The following GRIK1 variants were observed in gnomAD, a reference collection of about 807,000 sequenced individuals.
GRIK1 encodes glutamate ionotropic receptor kainate type subunit 1.
In GRIK1, 69 loss-of-function variants were observed where a neutral mutation model predicts 105.7. The ratio of observed to expected loss-of-function variants is 0.65; its 90% CI spans 0.54 to 0.80. GRIK1 has a LOEUF of 0.80. GRIK1 is among the 30% of genes least tolerant of loss of function. GRIK1 has a pLI of 0.00. For missense variants in GRIK1, 1,109 were observed against 1,167.3 expected, an observed-to-expected ratio of 0.95 and a Z score of 0.73; for synonymous variants, 438 against 431.3, an observed-to-expected ratio of 1.02 and a Z score of -0.19.
intron 1 of GRIK1, among the ~76,000 whole-genome samples, chr21:29,798,304 G>T (rs1411933957): frequency 6.6e-6 from 1 of 152,084 alleles, no homozygotes; most frequent in African/African-American, 2.4e-5. Context: ...AGGTTTTATT[G>T]GTGACCTCAC....
At chr21:29,855,530 C>G (rs933668347) in intron 1 of GRIK1, among the ~76,000 whole-genome samples, 1 of 152,078 alleles carries the variant, frequency 6.6e-6, no homozygotes, top group Non-Finnish European at 1.5e-5. Context: ...AGTATATTGC[C>G]AGTGAAGTAG....
intron 1 of GRIK1, among the ~76,000 whole-genome samples, chr21:29,751,243 A>G (rs1224201599): frequency 6.6e-6 from 1 of 152,192 alleles, no homozygotes; most frequent in African/African-American, 2.4e-5. Flanking sequence ...ACAACATTTG[A>G]TTATATTTGA....
chr21:29,620,818 T>G (rs938443386), intron 7 of GRIK1, among the ~76,000 whole-genome samples: 3 of 94,264 alleles, frequency 3.2e-5, no homozygotes, highest in Admixed American at 3.0e-4. Context: ...TATATATATA[T>G]AGTAATAATA....
chr21:29,925,299 C>T (rs57289158), intron 1 of GRIK1, among the ~76,000 whole-genome samples: 1,531 of 152,290 alleles, frequency 0.01, 26 homozygotes, highest in African/African-American at 0.035. Flanking sequence ...TGTTCTGTTT[C>T]CCTTCTCAAT....
intron 14 of GRIK1, among the ~76,000 whole-genome samples, chr21:29,563,724 T>C (rs565675261): frequency 6.6e-6 from 1 of 152,290 alleles, no homozygotes; most frequent in South Asian, 2.1e-4. Flanking sequence ...GAAACTACCT[T>C]AAGGGAAAAT....
chr21:29,876,998 T>C (rs951865652), intron 1 of GRIK1, among the ~76,000 whole-genome samples: 5 of 152,152 alleles, frequency 3.3e-5, no homozygotes, highest in African/African-American at 9.7e-5. Context: ...AAACACAAAA[T>C]GACAGCTCAA....
chr21:29,919,511 C>G (rs1459769862), intron 1 of GRIK1, among the ~76,000 whole-genome samples: 2 of 152,112 alleles, frequency 1.3e-5, no homozygotes, highest in Non-Finnish European at 2.9e-5. Flanking sequence ...ATAACTTGTT[C>G]AGGATAGGTT....
intron 1 of GRIK1, among the ~76,000 whole-genome samples, chr21:29,755,032 A>C (rs1219752276): frequency 6.6e-6 from 1 of 152,254 alleles, no homozygotes; most frequent in African/African-American, 2.4e-5. Flanking sequence ...ATGCTGACTA[A>C]TACAAGTAAG....
In GRIK1 at chr21:29,720,750, ATGT is replaced by A. The variant is rs1190070187; in HGVS notation, c.119-26690_119-26688del. 3.9e-5 allele frequency among the ~76,000 whole-genome samples: 6 copies of A among 152,210 alleles called. No homozygotes were observed. The East Asian group carries it at 5.8e-4, about 15-fold the overall frequency. ...AAGCGTACACACACGCACCCCAGAA[ATGT>A]TGTTACAATTCACACTCCGTTAACA... On this transcript the variant is annotated intron_variant, in intron 1 of 17. Transcript: ENST00000327783.
At chr21:29,771,774 G>T (rs988949279) in intron 1 of GRIK1, among the ~76,000 whole-genome samples, 1 of 152,216 alleles carries the variant, frequency 6.6e-6, no homozygotes, top group African/African-American at 2.4e-5. Flanking sequence ...GGCTATACCA[G>T]TAGTGAAAAT....
At chr21:29,734,647 C>T (rs181317389) in intron 1 of GRIK1, among the ~76,000 whole-genome samples, 3 of 152,054 alleles carry the variant, frequency 2.0e-5, no homozygotes, top group African/African-American at 4.8e-5. Flanking sequence ...GATCCACCCC[C>T]CTGGGCCTCC....
chr21:29,579,685 C>G (rs1422296557), intron 13 of GRIK1, among the ~76,000 whole-genome samples: 2 of 152,116 alleles, frequency 1.3e-5, no homozygotes, highest in African/African-American at 4.8e-5. Context: ...AAGTTTGTAT[C>G]TGGAAAGATT....
At chr21:29,550,595 A>T (rs1262911684) in intron 16 of GRIK1, among the ~76,000 whole-genome samples, 1 of 152,180 alleles carries the variant, frequency 6.6e-6, no homozygotes, top group Non-Finnish European at 1.5e-5. Flanking sequence ...TTCACATATT[A>T]CCAGTTTGGG....
intron 7 of GRIK1, among the ~76,000 whole-genome samples, chr21:29,619,202 G>A (rs2061927789): frequency 2.0e-5 from 3 of 151,602 alleles, no homozygotes; most frequent in Admixed American, 1.3e-4. Flanking sequence ...ACTTTGGGAG[G>A]CCAAAGCGGG....
intron 1 of GRIK1, among the ~76,000 whole-genome samples, chr21:29,888,205 C>CTTTCTTTCTTTCTTTTTT (rs1569191722): frequency 1.6e-5 from 1 of 62,532 alleles, no homozygotes; most frequent in Admixed American, 2.1e-4. Context: ...TTCTCTCTCT[C>CTTTCTTTCTTTCTTTTTT]TCTCTCTCTC....
At chr21:29,642,745 C>T (rs1172932941) in intron 7 of GRIK1, 81 bp downstream of exon 7, 64 of 1,242,880 alleles carry the variant, frequency 5.1e-5, no homozygotes, top group South Asian at 7.8e-5. Context: ...GCCAGCAGAA[C>T]CCTGTGGGGA....
Position 29,673,083 on chromosome 21 carries a change from T to C in GRIK1, c.626A>G (p.Asn209Ser). Residue 209 changes from asparagine (N) to serine (S), a missense_variant, in exon 4 of 18, where the codon AAT becomes AGT. Coordinates refer to ENST00000327783, the MANE Select transcript of GRIK1 (RefSeq NM_001330994.2). ...CTTGAGTAAAGGCTTGGCATCTTTA[T>C]TCCCAGAGGGCAGCTGGCGGATTTT... is the stretch of plus-strand genomic sequence containing the variant. ...KIKIRQLPSG[N>S]KDAKPLLKEM... is the part of the protein sequence containing the mutation. The C allele has an allele frequency of 1.2e-6, 2 of 1,610,944 alleles. No homozygotes were observed. Among genetic ancestry groups the C allele is most frequent in the Non-Finnish European group, 8.5e-7 (1 of 1,177,150 alleles).
intron 1 of GRIK1, among the ~76,000 whole-genome samples, chr21:29,806,168 C>A (rs1171958837): frequency 1.3e-5 from 2 of 152,040 alleles, no homozygotes; most frequent in African/African-American, 4.8e-5. Context: ...AATTATAATT[C>A]TGTTGCATCA....
chr21:29,700,792 TGA>T (rs1163784911), intron 1 of GRIK1, among the ~76,000 whole-genome samples: 2 of 152,174 alleles, frequency 1.3e-5, no homozygotes, highest in East Asian at 3.9e-4. Context: ...AAGCCTGTGC[TGA>T]GAGATTAGTG....
Sources: gnomAD v4.1 joint callset for allele counts (sites outside exome capture counted in the v4.1 genomes callset) on GRCh38, gnomAD v4.1.1 for gene constraint, MANE v1.5 for transcripts, NCBI Gene and HGNC (gene_info 2026-07-23, HGNC 2026-07-21) for gene names.